The following HELZ variants were observed in gnomAD, a reference collection of about 807,000 sequenced individuals.
HELZ encodes ATP-dependent RNA helicase with zinc finger domain.
Under a neutral mutation model 218.2 loss-of-function variants are expected in HELZ, and 23 were observed. The ratio of observed to expected loss-of-function variants is 0.11; its 90% CI spans 0.08 to 0.15. The LOEUF is 0.15. Ranked by LOEUF, HELZ falls within the 10% of genes least tolerant of loss-of-function variation. The pLI is 1.00. For missense variants in HELZ, 1,813 were observed against 2,353.7 expected (o/e 0.77, Z 4.75); for synonymous variants, 814 against 829.4 (o/e 0.98, Z 0.32).
chr17:67,170,826 C>CAA (rs71368805), intron 13 of HELZ, among the ~76,000 whole-genome samples: 1,990 of 119,282 alleles, frequency 0.017, 51 homozygotes, highest in East Asian at 0.09. Context: ...GACTCCATCT[C>CAA]AAAAAAAAAA....
intron 5 of HELZ, among the ~76,000 whole-genome samples, chr17:67,209,778 A>G (rs1221315201): frequency 6.6e-6 from 1 of 152,202 alleles, no homozygotes; most frequent in African/African-American, 2.4e-5. Flanking sequence ...CTCATCTGTA[A>G]AACTGCAATG....
chr17:67,210,391 A>C (rs1598428778), intron 5 of HELZ, among the ~76,000 whole-genome samples: 1 of 152,226 alleles, frequency 6.6e-6, no homozygotes. Context: ...TTCACAGGCC[A>C]AGTCTCACAA....
At chr17:67,096,868 T>C (rs866682374) in intron 31 of HELZ, among the ~76,000 whole-genome samples, 1 of 152,248 alleles carries the variant, frequency 6.6e-6, no homozygotes, top group African/African-American at 2.4e-5. Flanking sequence ...AGTAGCACTT[T>C]TAATTTCCTT....
chr17:67,079,391 G>C (rs778275066), intron 32 of HELZ, among the ~76,000 whole-genome samples: 1 of 152,120 alleles, frequency 6.6e-6, no homozygotes, highest in Non-Finnish European at 1.5e-5. Context: ...ACTTGATTTA[G>C]AGTATTTCAT....
chr17:67,209,434 C>T (rs557271146), intron 5 of HELZ, among the ~76,000 whole-genome samples: 7 of 152,160 alleles, frequency 4.6e-5, no homozygotes, highest in African/African-American at 1.7e-4. Flanking sequence ...CCCGTCACTA[C>T]TAAAAATACA....
chr17:67,142,861 A>T (rs2038372630), intron 21 of HELZ, among the ~76,000 whole-genome samples: 1 of 152,118 alleles, frequency 6.6e-6, no homozygotes, highest in Non-Finnish European at 1.5e-5. Context: ...GGTTCAAGCC[A>T]TCCTCCCACC....
Position 67,108,700 on chromosome 17 carries a change from C to T in HELZ, c.4516G>A (p.Glu1506Lys), listed in dbSNP as rs1218310722. The part of the protein sequence containing the change: ...LDRIHGSVAL[E>K]TLRQQQARFQ... ...CGTGCCTGCTGCTGCCTTAATGTTTCCAGAGCGACACTCCCATGTATACGA... is the reference window on the plus strand; with the variant it reads ...CGTGCCTGCTGCTGCCTTAATGTTTTCAGAGCGACACTCCCATGTATACGA... The change falls in exon 30 of 33, where the codon GAA (glutamate) becomes AAA (lysine). Residue 1506 changes from glutamate to lysine, a missense_variant. This residue lies in a region of HELZ where 938 missense variants were observed against 1,027.5 expected (regional missense o/e 0.91). Transcript: ENST00000358691. This position sits in a 1 kb window ranked among gnomAD's most constrained non-coding sequence, Gnocchi z 4.1. 1 of 1,611,622 alleles carries T rather than the reference C, an allele frequency of 6.2e-7. No homozygotes were observed. Among genetic ancestry groups the T allele is most frequent in the East Asian group, 2.2e-5 (1 of 44,816 alleles).
chr17:67,244,541 T>C (rs895445557), intron 1 of HELZ: 8 of 932,802 alleles, frequency 8.6e-6, no homozygotes, highest in African/African-American at 1.8e-5. Context: ...TTTATTTTTG[T>C]TGATGTGCTT....
At chr17:67,120,915 T>C (rs544776643) in intron 26 of HELZ, among the ~76,000 whole-genome samples, 12 of 152,350 alleles carry the variant, frequency 7.9e-5, no homozygotes, top group African/African-American at 2.6e-4. Flanking sequence ...AATCATTTTA[T>C]AGTATTTACT....
intron 3 of HELZ, among the ~76,000 whole-genome samples, chr17:67,222,291 A>T (rs2040767812): frequency 6.6e-6 from 1 of 152,250 alleles, no homozygotes. Context: ...TCCAAAGAAT[A>T]GCCATTGGAG....
chr17:67,094,633 C>CA (rs1324608610), intron 31 of HELZ, among the ~76,000 whole-genome samples: 1 of 151,924 alleles, frequency 6.6e-6, no homozygotes, highest in Non-Finnish European at 1.5e-5. Flanking sequence ...TAAAAAAACA[C>CA]AATGTATAAA....
At position 67,187,588 on chromosome 17, in the gene HELZ, T is replaced by C. The variant is rs140715036; in HGVS notation, c.1162+731A>G. Among the ~76,000 whole-genome samples, 68 of 152,348 alleles carry C rather than the reference T, an allele frequency of 4.5e-4. 1 individual carries two copies. Among genetic ancestry groups the C allele is most frequent in the African/African-American group, 1.6e-3 (66 of 41,582 alleles). ...GCAAGTTTCACACAGCTCTGCTTTTTGAAGTGTTTGTTAAATAAAAAGTTT... is the reference window on the plus strand; with the variant it reads ...GCAAGTTTCACACAGCTCTGCTTTTCGAAGTGTTTGTTAAATAAAAAGTTT... On this transcript the variant is annotated intron_variant, in intron 12 of 32. Transcript: ENST00000358691.
At chr17:67,113,958 T>G (rs889878108) in intron 28 of HELZ, among the ~76,000 whole-genome samples, 2 of 152,156 alleles carry the variant, frequency 1.3e-5, no homozygotes, top group Non-Finnish European at 2.9e-5. Flanking sequence ...GATGAGAGAA[T>G]AAGGTGAGGG....
chr17:67,128,691 T>C lies in HELZ; in HGVS notation c.3347A>G (p.His1116Arg). 6.2e-7 allele frequency: 1 copy of C among 1,614,196 alleles called. No individual in the cohort carries two copies. Among genetic ancestry groups the C allele is most frequent in the Non-Finnish European group, 8.5e-7 (1 of 1,180,016 alleles). The change falls in exon 24 of 33, where the codon CAT (histidine) becomes CGT (arginine). Residue 1116 changes from histidine to arginine, a missense_variant. By Grantham distance (29) the His-to-Arg change is conservative. This residue lies in a region of HELZ where 938 missense variants were observed against 1,027.5 expected (regional missense o/e 0.91). Transcript: ENST00000358691. ...CTGCTGTTTGTTGGTACTTCCTGAA[T>C]GCTGCAGTCTTAGAGCCCGGGGGAT... is the stretch of plus-strand genomic sequence containing the variant. ...EFIPRALRLQ[H>R]SGSTNKQQQS...
chr17:67,110,074 TTG>T (rs1392527397), intron 28 of HELZ, among the ~76,000 whole-genome samples: 145 of 152,074 alleles, frequency 9.5e-4, no homozygotes, highest in African/African-American at 3.3e-3. Flanking sequence ...GGGTTTTGTT[TTG>T]TTTTTTTTTG....
At chr17:67,219,820 T>G (rs2040697639) in intron 3 of HELZ, among the ~76,000 whole-genome samples, 1 of 152,142 alleles carries the variant, frequency 6.6e-6, no homozygotes, top group African/African-American at 2.4e-5. Context: ...TGGCAAACAT[T>G]GCCATTAGTA....
At chr17:67,134,669 T>C (rs943310570) in intron 23 of HELZ, among the ~76,000 whole-genome samples, 36 of 152,154 alleles carry the variant, frequency 2.4e-4, no homozygotes, top group African/African-American at 7.0e-4. Flanking sequence ...AGGTCCCAAA[T>C]AGTCTCCCTT....
Position 67,073,416 on chromosome 17 carries a change from T to G in HELZ, c.*4836A>C, listed in dbSNP as rs2035942844. 1 of 152,634 alleles carries G rather than the reference T, an allele frequency of 6.6e-6. No homozygotes were observed. The highest frequency in any genetic ancestry group is 2.1e-4 in the South Asian group (1 of 4,830). The allele number at this position is 152,634 out of a possible 1,614,324, so 9.5% of individuals were successfully genotyped here. ...CTTACTATGCTTTATGCTTAATATC[T>G]GTATCAAAATAAAATCTCTCTGTTG... On this transcript the variant is annotated 3_prime_UTR_variant, in exon 33 of 33. Transcript: ENST00000358691.
At chr17:67,176,625 C>T (rs970453465) in intron 13 of HELZ, 16 of 152,372 alleles carry the variant, frequency 1.1e-4, no homozygotes, top group African/African-American at 3.9e-4. Context: ...CACTTGAGCC[C>T]AGGAGTTCCA....
Sources: gnomAD v4.1 joint callset for allele counts (sites outside exome capture counted in the v4.1 genomes callset) on GRCh38, gnomAD v4.1.1 for gene constraint, gnomAD v4.1.1 regional missense constraint, Gnocchi (gnomAD v3.1) non-coding constraint, MANE v1.5 for transcripts, NCBI Gene and HGNC (gene_info 2026-07-23, HGNC 2026-07-21) for gene names.